PRDM15: variants seen among roughly 807,000 people sequenced by gnomAD.
The protein encoded by PRDM15 is PR/SET domain 15, also known as PR domain zinc finger protein 15.
Under a neutral mutation model 128.6 loss-of-function variants are expected in PRDM15, and 64 were observed. The ratio of observed to expected loss-of-function variants is 0.50; its 90% CI spans 0.41 to 0.61. The LOEUF (loss-of-function observed/expected upper bound fraction) is 0.61. Ranked by LOEUF, PRDM15 falls within the 20% of genes least tolerant of loss-of-function variation. The pLI is 0.00. For synonymous variants in PRDM15, 615 were observed against 621.8 expected, an observed-to-expected ratio of 0.99 and a Z score of 0.16; for missense variants, 1,242 against 1,569.1, an observed-to-expected ratio of 0.79 and a Z score of 3.52.
intron 13 of PRDM15, among the ~76,000 whole-genome samples, chr21:41,823,949 AG>A (rs1351347899): frequency 2.6e-5 from 4 of 152,190 alleles, no homozygotes; most frequent in African/African-American, 7.2e-5. Context: ...TACGCATCCA[AG>A]GGGGTCACCT....
At chr21:41,865,388 A>C (rs1260039407) in intron 1 of PRDM15, among the ~76,000 whole-genome samples, 1 of 152,194 alleles carries the variant, frequency 6.6e-6, no homozygotes, top group Non-Finnish European at 1.5e-5. Flanking sequence ...TTCAACGGCC[A>C]AGAGGGCAAG....
chr21:41,859,114 C>T lies in PRDM15; in HGVS notation c.131+478G>A, dbSNP rs2063731752. The T allele has an allele frequency of 6.2e-7, 1 of 1,606,858 alleles. No homozygotes were observed. Among genetic ancestry groups the T allele is most frequent in the South Asian group, 1.1e-5 (1 of 89,486 alleles). On this transcript the variant is annotated intron_variant, in intron 3 of 23. Coordinates refer to ENST00000398548, the MANE Select transcript of PRDM15 (RefSeq NM_001040424.3). This position sits in a 1 kb window ranked among gnomAD's most constrained non-coding sequence, Gnocchi z 5.3. Reference sequence around the variant, plus strand: ...GCTGCTGCCCACTGAGCCGCCTCACCAGGCCTGCAGGGACTGCTTCTGGAA... The same window carrying T: ...GCTGCTGCCCACTGAGCCGCCTCACTAGGCCTGCAGGGACTGCTTCTGGAA...
At chr21:41,806,027 CCACCAT>C (rs1568879841) in intron 21 of PRDM15, among the ~76,000 whole-genome samples, 6 of 8,466 alleles carry the variant, frequency 7.1e-4, no homozygotes, top group Non-Finnish European at 8.9e-4. Flanking sequence ...ATCACCACCA[CCACCAT>C]CACCACCACC....
intron 1 of PRDM15, among the ~76,000 whole-genome samples, chr21:41,869,920 G>A (rs1001638171): frequency 1.3e-5 from 2 of 152,200 alleles, no homozygotes; most frequent in South Asian, 2.1e-4. Context: ...CCACACTTAC[G>A]TGCATCTATG....
chr21:41,860,914 C>T (rs1032059580), intron 1 of PRDM15, among the ~76,000 whole-genome samples: 5 of 152,208 alleles, frequency 3.3e-5, no homozygotes, highest in Non-Finnish European at 7.3e-5. Context: ...TGAATGGCCT[C>T]ATGAACTCAG....
At position 41,824,646 on chromosome 21, in the gene PRDM15, G is replaced by C. The variant is rs550934867; in HGVS notation, c.1630-1197C>G. Reference sequence around the variant, plus strand: ...TGGGGACGGGGGATAAGGGGCACAGGCTTCGCCCACCTCTGCCCTGTGCAT... The same window carrying C: ...TGGGGACGGGGGATAAGGGGCACAGCCTTCGCCCACCTCTGCCCTGTGCAT... On this transcript the variant is annotated intron_variant, in intron 13 of 23. Transcript: ENST00000398548. Among the ~76,000 whole-genome samples, 16 of 152,304 alleles carry C rather than the reference G, an allele frequency of 1.1e-4. No homozygotes were observed. The South Asian group carries it at 2.9e-3, about 28-fold the overall frequency.
At chr21:41,847,342 G>C in intron 5 of PRDM15, 151 bp from the exon 6 acceptor site, 1 of 585,118 alleles carries the variant, frequency 1.7e-6, no homozygotes, top group Non-Finnish European at 3.0e-6. Context: ...CCACATGACA[G>C]ACACCATTTT....
intron 1 of PRDM15, among the ~76,000 whole-genome samples, chr21:41,873,857 G>C (rs1014260542): frequency 1.3e-5 from 2 of 152,006 alleles, no homozygotes; most frequent in African/African-American, 4.8e-5. Flanking sequence ...ACCACCTTGA[G>C]TAACACGGAG....
At chr21:41,846,878 T>C (rs565662636) in intron 6 of PRDM15, among the ~76,000 whole-genome samples, 1 of 149,490 alleles carries the variant, frequency 6.7e-6, no homozygotes, top group Admixed American at 6.6e-5. Context: ...GAGTGAGGAG[T>C]GAGGCCTGCA....
At chr21:41,823,153 C>A (rs2062342981) in intron 14 of PRDM15, 165 bp downstream of exon 14, 3 of 903,130 alleles carry the variant, frequency 3.3e-6, no homozygotes, top group African/African-American at 1.6e-5. Flanking sequence ...TCGCCAGACA[C>A]CGAATCTATG....
In PRDM15 at chr21:41,862,300, G is replaced by A. The variant is rs2063843534; in HGVS notation, c.-9-1928C>T. Among the ~76,000 whole-genome samples the A allele has an allele frequency of 6.6e-6, 1 of 152,176 alleles. No homozygotes were observed. The highest frequency in any genetic ancestry group is 1.5e-5 in the Non-Finnish European group (1 of 68,034). On this transcript the variant is annotated intron_variant, in intron 1 of 23. Coordinates refer to ENST00000398548, the MANE Select transcript of PRDM15 (RefSeq NM_001040424.3). This position sits in a 1 kb window ranked among gnomAD's most constrained non-coding sequence, Gnocchi z 4.1. ...AACACAGAGTCCCAACAAAGGTATT[G>A]GAATCGGAGTGGGAGGATGGAAGGA...
Position 41,859,132 on chromosome 21 carries a change from T to C in PRDM15, c.131+460A>G. The C allele has an allele frequency of 6.2e-7, 1 of 1,612,618 alleles. No individual in the cohort carries two copies. On this transcript the variant is annotated intron_variant, in intron 3 of 23. Coordinates refer to ENST00000398548, the MANE Select transcript of PRDM15 (RefSeq NM_001040424.3). The surrounding 1 kb of genome is among the most constrained non-coding windows in gnomAD (Gnocchi z 5.3). ...GCCTCACCAGGCCTGCAGGGACTGC[T>C]TCTGGAAGCTGCTGTGGGTCAGCCC... is the stretch of plus-strand genomic sequence containing the variant.
intron 1 of PRDM15, chr21:41,867,399 C>T (rs776336829): frequency 1.3e-5 from 20 of 1,567,936 alleles, no homozygotes; most frequent in Non-Finnish European, 5.3e-6. Context: ...GAAAGGAAAG[C>T]AAGCTGAGGC....
chr21:41,823,846 T>C (rs2146423232), intron 13 of PRDM15, among the ~76,000 whole-genome samples: 1 of 152,348 alleles, frequency 6.6e-6, no homozygotes, highest in South Asian at 2.1e-4. Context: ...CCCTTGGCTT[T>C]TATACTGTGT....
chr21:41,830,195 A>T (rs1287362980), intron 11 of PRDM15, among the ~76,000 whole-genome samples: 1 of 149,538 alleles, frequency 6.7e-6, no homozygotes, highest in East Asian at 2.0e-4. Context: ...CCCCAACACA[A>T]ATACACACAT....
chr21:41,835,973 ACTCTCCTCCCTCCCCC>A, intron 10 of PRDM15, 124 bp downstream of exon 10: 1 of 96,552 alleles, frequency 1.0e-5, no homozygotes, highest in Non-Finnish European at 1.9e-5. Flanking sequence ...GCCCCCGCCC[ACTCTCCTCCCTCCCCC>A]ACAGCCCCCG....
At chr21:41,831,284 C>T (rs953884225) in intron 11 of PRDM15, among the ~76,000 whole-genome samples, 1 of 152,254 alleles carries the variant, frequency 6.6e-6, no homozygotes, top group African/African-American at 2.4e-5. Context: ...CCTGCCTCAG[C>T]GTTTTGGGCC....
rs1455486066 is a variant in PRDM15 at position 41,839,646 on chromosome 21, A to G, written c.848T>C (p.Ile283Thr). ...KVSKAEQPLV[I>T]VEDKEPTEQV... The stretch of plus-strand genomic sequence containing the variant: ...ACCTGTGGGTTCCTTGTCTTCCACG[A>G]TGACTAGAGGCTGCTCAGCTTTGGA... Residue 283 changes from isoleucine to threonine, a missense_variant, in exon 7 of 24, where the codon ATC becomes ACC. Physicochemically the swap from Ile to Thr is moderately conservative, Grantham distance 89. Coordinates refer to ENST00000398548, the MANE Select transcript of PRDM15 (RefSeq NM_001040424.3). The G allele has an allele frequency of 6.2e-7, 1 of 1,614,148 alleles. No individual in the cohort carries two copies. Among genetic ancestry groups the G allele is most frequent in the East Asian group, 2.2e-5 (1 of 44,872 alleles).
In PRDM15 at chr21:41,828,137, G is replaced by C; in HGVS notation, c.1534+29C>G. 6.2e-7 allele frequency: 1 copy of C among 1,609,040 alleles called. No homozygotes were observed. Among genetic ancestry groups the C allele is most frequent in the African/African-American group, 1.3e-5 (1 of 74,912 alleles). ...CACCCCGCAGGAGCTGCCTCTCCCCGCCCGCAGCAGGTGCGCAGGCGGCCT... is the reference window on the plus strand; with the variant it reads ...CACCCCGCAGGAGCTGCCTCTCCCCCCCCGCAGCAGGTGCGCAGGCGGCCT... On this transcript the variant is annotated intron_variant, in intron 12 of 23. Transcript: ENST00000398548. This position sits in a 1 kb window ranked among gnomAD's most constrained non-coding sequence, Gnocchi z 5.7.
Sources: gnomAD v4.1 joint callset for allele counts (sites outside exome capture counted in the v4.1 genomes callset) on GRCh38, gnomAD v4.1.1 for gene constraint, Gnocchi (gnomAD v3.1) non-coding constraint, MANE v1.5 for transcripts, NCBI Gene and HGNC (gene_info 2026-07-23, HGNC 2026-07-21) for gene names.